Variants in TSC22D1 observed in about 807,000 individuals in gnomAD.
TSC22D1 encodes TSC22 domain family protein 1.
In TSC22D1, 9 loss-of-function variants were observed where a neutral mutation model predicts 74.2. That is an observed-to-expected ratio of 0.12 (90% CI 0.07 to 0.21). TSC22D1 has a LOEUF of 0.21. Ranked by LOEUF, TSC22D1 falls within the 10% of genes least tolerant of loss-of-function variation. The pLI, the probability that TSC22D1 is intolerant of heterozygous loss-of-function variation, is 1.00. For missense variants in TSC22D1, 1,427 were observed against 1,304.7 expected, an observed-to-expected ratio of 1.09 and a Z score of -1.44; for synonymous variants, 586 against 492.5, an observed-to-expected ratio of 1.19 and a Z score of -2.51.
intron 1 of TSC22D1, among the ~76,000 whole-genome samples, chr13:44,524,996 C>G (rs1356675509): frequency 6.6e-6 from 1 of 152,142 alleles, no homozygotes; most frequent in African/African-American, 2.4e-5. Context: ...AAGGACTGAC[C>G]TTAAGGAAAA....
At chr13:44,549,162 C>T (rs939719555) in intron 1 of TSC22D1, among the ~76,000 whole-genome samples, 7 of 151,898 alleles carry the variant, frequency 4.6e-5, no homozygotes, top group Admixed American at 2.6e-4. Context: ...CAAGTTCCTC[C>T]GTATATAATA....
intron 1 of TSC22D1, among the ~76,000 whole-genome samples, chr13:44,527,123 A>C (rs184536441): frequency 6.6e-6 from 1 of 152,140 alleles, no homozygotes; most frequent in African/African-American, 2.4e-5. Context: ...AGAAAAAAAG[A>C]CTTTCTCAGA....
chr13:44,522,066 T>C (rs1023916683), intron 1 of TSC22D1, among the ~76,000 whole-genome samples: 3 of 152,174 alleles, frequency 2.0e-5, no homozygotes, highest in Non-Finnish European at 4.4e-5. Context: ...AGAATTGATG[T>C]AATGTTAGAG....
chr13:44,557,882 T>C (rs989404898), intron 1 of TSC22D1, among the ~76,000 whole-genome samples: 1 of 151,710 alleles, frequency 6.6e-6, no homozygotes, highest in Admixed American at 6.5e-5. Context: ...TATTCACTTA[T>C]TTTTCTGAAA....
At chr13:44,515,108 GTC>G (rs1879915608) in intron 1 of TSC22D1, among the ~76,000 whole-genome samples, 1 of 152,086 alleles carries the variant, frequency 6.6e-6, no homozygotes, top group Non-Finnish European at 1.5e-5. Flanking sequence ...CATACCCTTT[GTC>G]CCAGCAATTC....
At chr13:44,533,365 G>A (rs890891435) in intron 1 of TSC22D1, among the ~76,000 whole-genome samples, 5 of 151,700 alleles carry the variant, frequency 3.3e-5, no homozygotes, top group African/African-American at 1.2e-4. Flanking sequence ...ACGAGGCTGA[G>A]GCGAGAACCA....
intron 1 of TSC22D1, among the ~76,000 whole-genome samples, chr13:44,568,853 T>C (rs1455145859): frequency 6.6e-6 from 1 of 152,082 alleles, no homozygotes; most frequent in East Asian, 1.9e-4. Flanking sequence ...CCCATTTCTA[T>C]AATAGACAGG....
chr13:44,502,693 G>A (rs1328735323), intron 1 of TSC22D1, among the ~76,000 whole-genome samples: 1 of 152,190 alleles, frequency 6.6e-6, no homozygotes, highest in Non-Finnish European at 1.5e-5. Flanking sequence ...GACAGATGAG[G>A]AAACTGTGCC....
At chr13:44,509,950 C>CAAAAAAAAAA in intron 1 of TSC22D1, among the ~76,000 whole-genome samples, 11 of 51,422 alleles carry the variant, frequency 2.1e-4, no homozygotes, top group Non-Finnish European at 3.2e-4. Flanking sequence ...AGAAAATAAG[C>CAAAAAAAAAA]AAAAAAAAAA....
chr13:44,576,801 G>A (rs1380330018), upstream of TSC22D1, among the ~76,000 whole-genome samples: 1 of 151,408 alleles, frequency 6.6e-6, no homozygotes, highest in Non-Finnish European at 1.5e-5. Flanking sequence ...CGGGCGCGCA[G>A]AGACGCCGGG....
intron 1 of TSC22D1, among the ~76,000 whole-genome samples, chr13:44,485,428 G>T (rs559386905): frequency 8.0e-4 from 121 of 152,086 alleles, no homozygotes; most frequent in African/African-American, 2.8e-3. Context: ...TTTGTACAAG[G>T]TTATTAAAAG....
intron 1 of TSC22D1, among the ~76,000 whole-genome samples, chr13:44,517,404 AT>A (rs1312236463): frequency 6.6e-6 from 1 of 152,172 alleles, no homozygotes; most frequent in African/African-American, 2.4e-5. Flanking sequence ...ATTAGAAAAA[AT>A]AAACAGTAAG....
chr13:44,490,235 T>C (rs1878635894), intron 1 of TSC22D1, among the ~76,000 whole-genome samples: 1 of 152,102 alleles, frequency 6.6e-6, no homozygotes, highest in Admixed American at 6.6e-5. Context: ...GAATATATAG[T>C]ATATAATTTC....
At chr13:44,453,544 T>C (rs186887083) in intron 1 of TSC22D1, among the ~76,000 whole-genome samples, 25 of 152,324 alleles carry the variant, frequency 1.6e-4, no homozygotes, top group Admixed American at 1.3e-3. Context: ...ACAAATCTGA[T>C]AGTGGTCAGA....
intron 1 of TSC22D1, among the ~76,000 whole-genome samples, chr13:44,443,778 C>T (rs1049637173): frequency 5.9e-5 from 9 of 152,022 alleles, no homozygotes; most frequent in African/African-American, 1.2e-4. Context: ...GATAGAACAA[C>T]GGCTAAGAAG....
At chr13:44,543,467 T>G (rs1881607177) in intron 1 of TSC22D1, among the ~76,000 whole-genome samples, 1 of 152,230 alleles carries the variant, frequency 6.6e-6, no homozygotes, top group Non-Finnish European at 1.5e-5. Context: ...GGAAGTATCT[T>G]TTTATTCTTT....
intron 1 of TSC22D1, among the ~76,000 whole-genome samples, chr13:44,564,612 A>G (rs978241552): frequency 6.6e-6 from 1 of 152,216 alleles, no homozygotes; most frequent in African/African-American, 2.4e-5. Context: ...TGGGAGAAAG[A>G]AGCATGATGA....
intron 1 of TSC22D1, among the ~76,000 whole-genome samples, chr13:44,520,227 G>C (rs1880245391): frequency 6.6e-6 from 1 of 152,174 alleles, no homozygotes; most frequent in Non-Finnish European, 1.5e-5. Context: ...GGTAGAGTGA[G>C]AATGAGTCTG....
At position 44,526,789 on chromosome 13, in the gene TSC22D1, G is replaced by A. The variant is rs547922926; in HGVS notation, c.2912+46374C>T. On this transcript the variant is annotated intron_variant, in intron 1 of 2. Transcript: ENST00000458659. ...AATAGTAATCGAAGAAAAAATGGCT[G>A]AAAACTTTCCAACATTTATGACAGA... Among the ~76,000 whole-genome samples, 59 of 152,262 alleles carry A rather than the reference G, an allele frequency of 3.9e-4. 1 individual carries two copies. Among genetic ancestry groups the A allele is most frequent in the Admixed American group, 2.6e-3 (40 of 15,294 alleles).
Sources: gnomAD v4.1 joint callset for allele counts (sites outside exome capture counted in the v4.1 genomes callset) on GRCh38, gnomAD v4.1.1 for gene constraint, MANE v1.5 for transcripts, NCBI Gene and HGNC (gene_info 2026-07-23, HGNC 2026-07-21) for gene names.